The following KANSL3 variants were observed in gnomAD, a reference collection of about 807,000 sequenced individuals.
KANSL3 encodes the protein KAT8 regulatory NSL complex subunit 3, also known as NSL complex protein NSL3.
KANSL3 carries 16 observed loss-of-function variants against 89.2 expected under a neutral mutation model. That is an observed-to-expected ratio of 0.18 (90% CI 0.12 to 0.27). KANSL3 has a LOEUF of 0.27. Among genes scored for constraint, KANSL3 ranks in the 10% least tolerant of loss-of-function variants. The pLI, the probability that KANSL3 is intolerant of heterozygous loss-of-function variation, is 1.00. For synonymous variants in KANSL3, 385 were observed against 419.7 expected, an observed-to-expected ratio of 0.92 and a Z score of 1.01; for missense variants, 879 against 1,110.6, an observed-to-expected ratio of 0.79 and a Z score of 2.96.
chr2:96,626,860 T>C (rs1415459536), intron 3 of KANSL3, among the ~76,000 whole-genome samples: 3 of 152,202 alleles, frequency 2.0e-5, no homozygotes, highest in Non-Finnish European at 2.9e-5. Context: ...ACAGAAAATG[T>C]TTTAGGGTTT....
At chr2:96,635,484 T>C (rs950653176) in intron 2 of KANSL3, among the ~76,000 whole-genome samples, 2 of 152,206 alleles carry the variant, frequency 1.3e-5, no homozygotes, top group Non-Finnish European at 2.9e-5. Flanking sequence ...GGAGTTTTAA[T>C]GTCAGCAAGA....
chr2:96,625,307 A>G (rs969647335), intron 3 of KANSL3, among the ~76,000 whole-genome samples: 1 of 152,252 alleles, frequency 6.6e-6, no homozygotes, highest in African/African-American at 2.4e-5. Context: ...AAGTAGTAGT[A>G]TACTGCAGCC....
At chr2:96,617,983 A>C (rs1459853031) in intron 5 of KANSL3, among the ~76,000 whole-genome samples, 8 of 131,498 alleles carry the variant, frequency 6.1e-5, no homozygotes, top group African/African-American at 1.6e-4. Context: ...ACTTTGTCTC[A>C]AAAAAAAAAA....
At chr2:96,591,103 G>C (rs1270283831), downstream of KANSL3, among the ~76,000 whole-genome samples, 1 of 152,150 alleles carries the variant, frequency 6.6e-6, no homozygotes, top group Non-Finnish European at 1.5e-5. Flanking sequence ...CCCTCAATAG[G>C]TGAATGAATT....
At chr2:96,635,930 G>A (rs1417480483) in intron 2 of KANSL3, among the ~76,000 whole-genome samples, 1 of 151,732 alleles carries the variant, frequency 6.6e-6, no homozygotes, top group Non-Finnish European at 1.5e-5. Context: ...GGAGGTGGAG[G>A]TTGCAGTGAG....
At chr2:96,609,675 C>A in intron 11 of KANSL3, 113 bp from the exon 12 acceptor site, 2 of 998,052 alleles carry the variant, frequency 2.0e-6, no homozygotes, top group Non-Finnish European at 3.2e-6. Context: ...AGAAGGAGGG[C>A]CATGTTAGCC....
chr2:96,617,982 CAAAA>C (rs540064575), intron 5 of KANSL3, among the ~76,000 whole-genome samples: 1 of 71,772 alleles, frequency 1.4e-5, no homozygotes, highest in African/African-American at 5.3e-5. Context: ...GACTTTGTCT[CAAAA>C]AAAAAAAAAA....
At chr2:96,610,007 G>A (rs966681547) in intron 11 of KANSL3, among the ~76,000 whole-genome samples, 4 of 138,090 alleles carry the variant, frequency 2.9e-5, no homozygotes, top group Non-Finnish European at 4.5e-5. Flanking sequence ...GACAAAGATG[G>A]AGGAACTCTA....
chr2:96,604,639 C>A, intron 16 of KANSL3, 140 bp downstream of exon 16: 3 of 840,942 alleles, frequency 3.6e-6, no homozygotes, highest in African/African-American at 3.4e-5. Context: ...AAAAGCAAGA[C>A]AAAGATCCCA....
intron 14 of KANSL3, chr2:96,606,376 T>G (rs1235576168): frequency 6.6e-6 from 1 of 152,546 alleles, no homozygotes; most frequent in African/African-American, 2.4e-5. Flanking sequence ...TCCCTCCTCT[T>G]TAAACCCAGA....
intron 20 of KANSL3, chr2:96,600,300 T>C: frequency 2.5e-6 from 1 of 404,612 alleles, no homozygotes; most frequent in Non-Finnish European, 3.3e-6. Flanking sequence ...GTGAACATCA[T>C]CTCTAGGAGT....
At chr2:96,613,918 C>T (rs955926652) in intron 5 of KANSL3, among the ~76,000 whole-genome samples, 3 of 151,856 alleles carry the variant, frequency 2.0e-5, no homozygotes, top group Admixed American at 6.6e-5. Flanking sequence ...CCAAAGAAAA[C>T]GTATCAGAAA....
chr2:96,601,450 G>A, intron 20 of KANSL3, 193 bp downstream of exon 20: 1 of 1,371,150 alleles, frequency 7.3e-7, no homozygotes, highest in South Asian at 1.8e-5. Context: ...AGGGAGGGAT[G>A]TAGAAGAGGA....
rs1364570636 is a variant in KANSL3 at position 96,609,019 on chromosome 2, C to A, written c.1429G>T (p.Gly477Cys). 1 of 1,565,852 alleles carries A rather than the reference C, an allele frequency of 6.4e-7. No individual in the cohort carries two copies. The highest frequency in any genetic ancestry group is 1.2e-5 in the South Asian group (1 of 84,856). The change falls in exon 13 of 21, where the codon GGT becomes TGT. Residue 477 changes from glycine (G) to cysteine (C), a missense_variant. Transcript: ENST00000431828. ...TCCCGAGGTTCAGAGCCCATGTGAC[C>A]CTCAGCACGAGTGAGCACTCCAGTC... is the stretch of plus-strand genomic sequence containing the variant. ...FLTGVLTRAE[G>C]HMGSEPRDQD...
At chr2:96,584,043 A>G in the KANSL3 span, among the ~76,000 whole-genome samples, 6 of 152,324 alleles carry the variant, frequency 3.9e-5, no homozygotes, top group Non-Finnish European at 5.9e-5. Flanking sequence ...GCCTGCAAAT[A>G]TTTATTACAT....
intron 17 of KANSL3, 44 bp downstream of exon 17, chr2:96,604,206 A>C: frequency 6.5e-7 from 1 of 1,547,896 alleles, no homozygotes; most frequent in Non-Finnish European, 8.7e-7. Flanking sequence ...GCAGCAGACC[A>C]AAAATTCTGT....
intron 3 of KANSL3, among the ~76,000 whole-genome samples, chr2:96,627,415 A>G (rs1259863859): frequency 1.3e-5 from 2 of 151,994 alleles, no homozygotes; most frequent in African/African-American, 4.8e-5. Flanking sequence ...GGGTTTCACT[A>G]TGTTGGTCAG....
intron 2 of KANSL3, among the ~76,000 whole-genome samples, chr2:96,635,539 A>G (rs1277322212): frequency 2.6e-5 from 4 of 152,230 alleles, no homozygotes; most frequent in Non-Finnish European, 5.9e-5. Flanking sequence ...CTACTATTTA[A>G]AGGAGCTTTT....
chr2:96,622,485 GAATTT>G (rs2071498189), intron 3 of KANSL3, among the ~76,000 whole-genome samples: 1 of 151,776 alleles, frequency 6.6e-6, no homozygotes, highest in South Asian at 2.1e-4. Context: ...TAAAAATTAA[GAATTT>G]AATAATTCTC....
Sources: gnomAD v4.1 joint callset for allele counts (sites outside exome capture counted in the v4.1 genomes callset) on GRCh38, gnomAD v4.1.1 for gene constraint, MANE v1.5 for transcripts, NCBI Gene and HGNC (gene_info 2026-07-23, HGNC 2026-07-21) for gene names.